The following CENPU variants were observed in gnomAD, a reference collection of about 807,000 sequenced individuals.
The protein encoded by CENPU is KSHV latent nuclear antigen interacting protein 1.
A neutral mutation model predicts 56.7 loss-of-function variants in CENPU; 46 were observed. The ratio of observed to expected loss-of-function variants is 0.81; its 90% CI spans 0.64 to 1.04. CENPU has a LOEUF of 1.04. CENPU is among the 50% of genes least tolerant of loss of function. The pLI is 0.00. For missense variants in CENPU, 510 were observed against 490.1 expected (o/e 1.04, Z -0.38); for synonymous variants, 166 against 163.0 (o/e 1.02, Z -0.14).
intron 4 of CENPU, among the ~76,000 whole-genome samples, chr4:184,717,569 G>A (rs28604350): frequency 0.18 from 27,133 of 152,148 alleles, 2,723 homozygotes; most frequent in African/African-American, 0.26. Flanking sequence ...ATCCTTTAAA[G>A]AGGAAAAAAA....
chr4:184,714,139 T>C (rs1579777340), intron 6 of CENPU, among the ~76,000 whole-genome samples: 1 of 152,250 alleles, frequency 6.6e-6, no homozygotes, highest in East Asian at 1.9e-4. Context: ...GAAATAAATC[T>C]GTCAACTCAG....
At chr4:184,728,884 G>T in intron 3 of CENPU, 34 bp downstream of exon 3, 1 of 1,483,590 alleles carries the variant, frequency 6.7e-7, no homozygotes. Flanking sequence ...TGTTGCTTTA[G>T]AGTTATGTTA....
intron 11 of CENPU, among the ~76,000 whole-genome samples, chr4:184,699,137 C>T (rs375184158): frequency 6.6e-5 from 10 of 151,866 alleles, no homozygotes; most frequent in African/African-American, 2.4e-4. Flanking sequence ...AGCATCCTGA[C>T]TAACATGGTG....
intron 5 of CENPU, 130 bp downstream of exon 5, chr4:184,717,006 C>G: frequency 1.5e-6 from 1 of 649,092 alleles, no homozygotes. Context: ...AAAAATGGTG[C>G]TACGGAATGT....
At chr4:184,708,973 C>T (rs374764820) in intron 8 of CENPU, among the ~76,000 whole-genome samples, 2 of 151,900 alleles carry the variant, frequency 1.3e-5, no homozygotes, top group South Asian at 4.1e-4. Flanking sequence ...ATAAATACAA[C>T]TTTTTTAAGT....
chr4:184,715,447 C>T (rs1228121584), intron 6 of CENPU, among the ~76,000 whole-genome samples: 1 of 152,178 alleles, frequency 6.6e-6, no homozygotes, highest in African/African-American at 2.4e-5. Context: ...TGAGTAGCTG[C>T]GATTACAGGC....
chr4:184,714,520 G>A (rs1761026526), intron 6 of CENPU, among the ~76,000 whole-genome samples: 1 of 152,202 alleles, frequency 6.6e-6, no homozygotes, highest in Non-Finnish European at 1.5e-5. Context: ...ATATTGTTAT[G>A]TAATTACATG....
intron 4 of CENPU, among the ~76,000 whole-genome samples, chr4:184,718,964 G>A (rs1425165201): frequency 6.6e-6 from 1 of 152,156 alleles, no homozygotes; most frequent in African/African-American, 2.4e-5. Context: ...CTTGAGAAAC[G>A]GTGGCACACA....
chr4:184,714,612 T>A (rs2171837), intron 6 of CENPU, among the ~76,000 whole-genome samples: 147,669 of 152,286 alleles, frequency 0.97, 71,768 homozygotes, highest in East Asian at 1. Context: ...TGCTAATTTA[T>A]GGATGTATAT....
rs898286343 is a variant in CENPU at position 184,705,571 on chromosome 4, CATTT to C, written c.798-3134_798-3131del. ...ATTCTACAATTATCTCAAAAGAAGA[CATTT>C]AATTAAAAAAAAAAGTTGTAACTTG... On this transcript the variant is annotated intron_variant, in intron 8 of 12. Transcript: ENST00000281453. Among the ~76,000 whole-genome samples, 29 of 142,976 alleles carry C rather than the reference CATTT, an allele frequency of 2.0e-4. No individual in the cohort carries two copies. In the South Asian group the frequency reaches 3.2e-3, roughly 16 times the overall value. 93.8% of individuals were successfully genotyped at this position (142,976 alleles called of 152,430 possible).
intron 7 of CENPU, among the ~76,000 whole-genome samples, chr4:184,712,186 T>C (rs557227362): frequency 2.0e-5 from 3 of 150,482 alleles, no homozygotes; most frequent in African/African-American, 7.3e-5. Context: ...AACAACTCAG[T>C]TGTCCATCAA....
intron 11 of CENPU, 79 bp from the exon 12 acceptor site, chr4:184,697,882 AGT>A: frequency 8.8e-7 from 1 of 1,139,630 alleles, no homozygotes; most frequent in Non-Finnish European, 1.2e-6. Context: ...ACGCTGAGCG[AGT>A]GTGAAGAACC....
intron 10 of CENPU, among the ~76,000 whole-genome samples, 193 bp from the exon 11 acceptor site, chr4:184,701,074 G>C (rs1760518899): frequency 3.3e-5 from 5 of 152,122 alleles, no homozygotes; most frequent in African/African-American, 1.2e-4. Context: ...TGTAGGAAAA[G>C]AAGAGAGAAC....
At chr4:184,731,199 C>T (rs1351199661) in intron 1 of CENPU, among the ~76,000 whole-genome samples, 1 of 152,216 alleles carries the variant, frequency 6.6e-6, no homozygotes, top group Non-Finnish European at 1.5e-5. Flanking sequence ...TTCCCTGAGG[C>T]CTTAATCAAT....
In CENPU at chr4:184,707,284, G is replaced by A. The variant is rs531933207; in HGVS notation, c.797+2788C>T. On this transcript the variant is annotated intron_variant, in intron 8 of 12. Transcript: ENST00000281453. ...CTGTAAGGAGTGGCGCTGTGGCCAGGGCAGGAATAGAGAGCTGCAGGAAAC... is the reference window on the plus strand; with the variant it reads ...CTGTAAGGAGTGGCGCTGTGGCCAGAGCAGGAATAGAGAGCTGCAGGAAAC... 1.1e-4 allele frequency among the ~76,000 whole-genome samples: 17 copies of A among 151,004 alleles called. 1 individual carries two copies. The highest frequency in any genetic ancestry group is 1.0e-3 in the Admixed American group (16 of 15,264).
intron 11 of CENPU, 62 bp from the exon 12 acceptor site, chr4:184,697,865 T>C: frequency 7.4e-7 from 1 of 1,352,042 alleles, no homozygotes. Flanking sequence ...AAACTGAGGT[T>C]GTAAGTACGC....
intron 9 of CENPU, 57 bp from the exon 10 acceptor site, chr4:184,702,193 G>C (rs1349359542): frequency 7.3e-7 from 1 of 1,366,804 alleles, no homozygotes; most frequent in Non-Finnish European, 1.0e-6. Context: ...ATGTTAATTA[G>C]TTTCACATGT....
rs1254615560 is a variant in CENPU at position 184,697,636 on chromosome 4, A to C, written c.1143+11T>G. 2.5e-6 allele frequency: 4 copies of C among 1,611,996 alleles called. No homozygotes were observed. Among genetic ancestry groups the C allele is most frequent in the Non-Finnish European group, 3.4e-6 (4 of 1,179,066 alleles). On this transcript the variant is annotated intron_variant, in intron 12 of 12. Transcript: ENST00000281453. Reference sequence around the variant, plus strand: ...CTTCTGAAGCATGGTAAAAAGTAAAATTGGAGTTACCGTTTCCTTTACGTT... The same window carrying C: ...CTTCTGAAGCATGGTAAAAAGTAAACTTGGAGTTACCGTTTCCTTTACGTT...
Position 184,723,790 on chromosome 4 carries a change from C to A in CENPU, c.320+1167G>T, listed in dbSNP as rs1169576146. 7.3e-5 allele frequency among the ~76,000 whole-genome samples: 10 copies of A among 136,588 alleles called. No homozygotes were observed. In the Middle Eastern group the frequency reaches 0.019, roughly 255 times the overall value. The allele number at this position is 136,588 out of a possible 152,430, so 89.6% of individuals were successfully genotyped here. A position where few individuals can be genotyped will look rare whatever the true frequency, so the allele number is the denominator to read the frequency against. ...CCTGGGAGGCGGAGGTTACAGTGAG[C>A]CAAGATTGCGCCACTGCACTCCAGC... On this transcript the variant is annotated intron_variant, in intron 4 of 12. Coordinates refer to ENST00000281453, the MANE Select transcript of CENPU (RefSeq NM_024629.4).
Sources: allele counts gnomAD v4.1 joint callset (sites outside exome capture counted in the v4.1 genomes callset), GRCh38; gene constraint gnomAD v4.1.1; transcripts MANE v1.5; gene names NCBI Gene and HGNC (gene_info 2026-07-23, HGNC 2026-07-21).